Variants in CDKAL1 observed in about 807,000 individuals in gnomAD.
CDKAL1 encodes threonylcarbamoyladenosine tRNA methylthiotransferase.
Under a neutral mutation model 68.2 loss-of-function variants are expected in CDKAL1, and 32 were observed. The observed-to-expected ratio is 0.47, with a 90% CI of 0.35 to 0.63. The LOEUF is 0.63. Among genes scored for constraint, CDKAL1 ranks in the 30% least tolerant of loss-of-function variants. The pLI is 0.00. For synonymous variants in CDKAL1, 234 were observed against 244.3 expected (o/e 0.96, Z 0.39); for missense variants, 606 against 696.7 (o/e 0.87, Z 1.47).
chr6:20,788,051 T>G (rs1775748759), intron 8 of CDKAL1, among the ~76,000 whole-genome samples: 1 of 152,242 alleles, frequency 6.6e-6, no homozygotes, highest in South Asian at 2.1e-4. Flanking sequence ...GACTGTCTTT[T>G]ATGCTATTAA....
At chr6:20,850,577 A>G (rs908525317) in intron 9 of CDKAL1, among the ~76,000 whole-genome samples, 1 of 151,966 alleles carries the variant, frequency 6.6e-6, no homozygotes, top group African/African-American at 2.4e-5. Flanking sequence ...AGCTGGGACT[A>G]CAGGTGTGCA....
rs182354162 is a variant in CDKAL1 at position 21,031,379 on chromosome 6, T to A, written c.1055+31007T>A. ...GCTTTTATTAAAGGGTTCACCTGAT[T>A]AGGTCAGGCCCATCAGGAAAAATCT... On this transcript the variant is annotated intron_variant, in intron 11 of 15. Coordinates refer to ENST00000274695, the MANE Select transcript of CDKAL1 (RefSeq NM_017774.3). Among the ~76,000 whole-genome samples, 531 of 151,698 alleles carry A rather than the reference T, an allele frequency of 3.5e-3. 3 individuals carry two copies. The highest frequency in any genetic ancestry group is 3.9e-3 in the Non-Finnish European group (263 of 67,898).
Position 21,201,143 on chromosome 6 carries a change from A to G in CDKAL1, c.1417A>G (p.Lys473Glu), listed in dbSNP as rs982778389. Residue 473 changes from lysine to glutamate, a missense_variant, in exon 15 of 16, where the codon AAG becomes GAG. Transcript: ENST00000274695. ...GCCAAAGAACCCTGCGTTCATGGGG[A>G]AGATGGTTGAAGTGGACATCTATGA... ...LVPKNPAFMG[K>E]MVEVDIYESG... 3 of 1,613,464 alleles carry G rather than the reference A, an allele frequency of 1.9e-6. No individual in the cohort carries two copies. The highest frequency in any genetic ancestry group is 2.7e-5 in the African/African-American group (2 of 74,926).
intron 5 of CDKAL1, among the ~76,000 whole-genome samples, chr6:20,665,344 A>G (rs1202778203): frequency 1.3e-5 from 2 of 152,148 alleles, no homozygotes; most frequent in Admixed American, 6.6e-5. Flanking sequence ...AAAAGAAAAA[A>G]TTGTTAATGC....
intron 4 of CDKAL1, among the ~76,000 whole-genome samples, chr6:20,634,474 A>G (rs915272861): frequency 6.6e-6 from 1 of 152,172 alleles, no homozygotes; most frequent in African/African-American, 2.4e-5. Context: ...CTTGCTTTCT[A>G]GTTTGTTGCT....
At chr6:21,010,157 A>G (rs535549660) in intron 11 of CDKAL1, among the ~76,000 whole-genome samples, 7 of 152,354 alleles carry the variant, frequency 4.6e-5, no homozygotes, top group African/African-American at 1.7e-4. Context: ...TGTTTAGAAA[A>G]TGAAGCTATG....
In CDKAL1 at chr6:20,563,774, A is replaced by G. The variant is rs1248059804; in HGVS notation, c.286+15069A>G. Among the ~76,000 whole-genome samples the G allele has an allele frequency of 9.2e-5, 14 of 152,270 alleles. No individual in the cohort carries two copies. In the East Asian group the frequency reaches 2.5e-3, roughly 27 times the overall value. On this transcript the variant is annotated intron_variant, in intron 4 of 15. Transcript: ENST00000274695. Reference sequence around the variant, plus strand: ...AGTCAATGTGTATTCTTCATTTAATAAACATAAGTATCTTTTCCTTTCCAA... The same window carrying G: ...AGTCAATGTGTATTCTTCATTTAATGAACATAAGTATCTTTTCCTTTCCAA...
At chr6:20,583,519 C>T (rs1390786492) in intron 4 of CDKAL1, among the ~76,000 whole-genome samples, 5 of 152,064 alleles carry the variant, frequency 3.3e-5, no homozygotes, top group Admixed American at 3.3e-4. Context: ...AGACAAAATA[C>T]ACACTTGAAA....
intron 4 of CDKAL1, among the ~76,000 whole-genome samples, chr6:20,594,523 A>G (rs372223877): frequency 1.3e-4 from 20 of 150,824 alleles, no homozygotes; most frequent in African/African-American, 3.4e-4. Context: ...TTTGCTTCCT[A>G]TTTGCTTGGT....
intron 9 of CDKAL1, among the ~76,000 whole-genome samples, chr6:20,860,492 G>A (rs1759554832): frequency 6.6e-6 from 1 of 152,196 alleles, no homozygotes; most frequent in Non-Finnish European, 1.5e-5. Flanking sequence ...TGCATTACTA[G>A]AGCTTGGCAT....
chr6:20,887,205 A>C (rs1761109597), intron 9 of CDKAL1, among the ~76,000 whole-genome samples: 1 of 152,172 alleles, frequency 6.6e-6, no homozygotes, highest in Non-Finnish European at 1.5e-5. Flanking sequence ...GAACAACTGG[A>C]ATTCTCATAC....
intron 5 of CDKAL1, among the ~76,000 whole-genome samples, chr6:20,718,284 A>G (rs75176957): frequency 2.0e-5 from 3 of 152,302 alleles, no homozygotes; most frequent in Middle Eastern, 6.8e-3. Flanking sequence ...CAGGCAGCTT[A>G]TGATGCATGT....
At chr6:21,116,960 C>T (rs999422766) in intron 13 of CDKAL1, among the ~76,000 whole-genome samples, 2 of 152,148 alleles carry the variant, frequency 1.3e-5, no homozygotes, top group East Asian at 3.8e-4. Flanking sequence ...AGAGTACTTC[C>T]CCTCCATCCC....
intron 4 of CDKAL1, among the ~76,000 whole-genome samples, chr6:20,568,862 A>G (rs1764588077): frequency 6.6e-6 from 1 of 151,876 alleles, no homozygotes; most frequent in Non-Finnish European, 1.5e-5. Context: ...CTTCCTTAAC[A>G]CACTGCTGTG....
intron 10 of CDKAL1, among the ~76,000 whole-genome samples, chr6:20,998,557 G>A (rs925201476): frequency 2.5e-4 from 38 of 151,726 alleles, no homozygotes; most frequent in African/African-American, 9.0e-4. Context: ...GTGGCAGTGA[G>A]CTGAGATCGC....
At chr6:21,054,995 A>G (rs1181890210) in intron 11 of CDKAL1, among the ~76,000 whole-genome samples, 1 of 152,124 alleles carries the variant, frequency 6.6e-6, no homozygotes, top group Non-Finnish European at 1.5e-5. Flanking sequence ...AATATGTTGA[A>G]TTGAAGAAGT....
chr6:20,570,423 C>T (rs561277364), intron 4 of CDKAL1, among the ~76,000 whole-genome samples: 5 of 147,590 alleles, frequency 3.4e-5, no homozygotes, highest in Admixed American at 2.0e-4. Flanking sequence ...TTTTTTGAGA[C>T]GAAGTCTCAC....
chr6:21,080,820 T>G (rs1772355051), intron 12 of CDKAL1, among the ~76,000 whole-genome samples: 1 of 152,238 alleles, frequency 6.6e-6, no homozygotes, highest in Non-Finnish European at 1.5e-5. Context: ...GATTGGTTTT[T>G]ACTTAAGATG....
intron 5 of CDKAL1, among the ~76,000 whole-genome samples, chr6:20,707,487 A>G (rs529120168): frequency 6.6e-6 from 1 of 152,330 alleles, no homozygotes; most frequent in East Asian, 1.9e-4. Context: ...AAAGAAATCT[A>G]GGTAATATTT....
Sources: allele counts gnomAD v4.1 joint callset (sites outside exome capture counted in the v4.1 genomes callset), GRCh38; gene constraint gnomAD v4.1.1; transcripts MANE v1.5; gene names NCBI Gene and HGNC (gene_info 2026-07-23, HGNC 2026-07-21).